AGBL1: variants seen among roughly 807,000 people sequenced by gnomAD.
AGBL1 encodes the protein AGBL carboxypeptidase 1.
A neutral mutation model predicts 118.9 loss-of-function variants in AGBL1; 130 were observed. The observed-to-expected ratio is 1.09, with a 90% CI of 0.95 to 1.26. The LOEUF is 1.26. Among genes scored for constraint, AGBL1 ranks in the 50% most tolerant of loss-of-function variants. AGBL1 has a pLI of 0.00. For synonymous variants in AGBL1, 555 were observed against 478.9 expected, an observed-to-expected ratio of 1.16 and a Z score of -2.08; for missense variants, 1,584 against 1,298.1, an observed-to-expected ratio of 1.22 and a Z score of -3.38.
intron 1 of AGBL1, among the ~76,000 whole-genome samples, chr15:86,135,191 C>T (rs2076873074): frequency 6.6e-6 from 1 of 152,146 alleles, no homozygotes; most frequent in Non-Finnish European, 1.5e-5. Flanking sequence ...TTGAAAAGGC[C>T]TGGCACTTCC....
intron 5 of AGBL1, among the ~76,000 whole-genome samples, chr15:86,162,749 T>C (rs536507281): frequency 6.6e-6 from 1 of 152,284 alleles, no homozygotes; most frequent in African/African-American, 2.4e-5. Flanking sequence ...CAGCTTCCCT[T>C]TCCAGAGTGG....
chr15:86,666,125 G>C (rs1276199915), intron 21 of AGBL1, among the ~76,000 whole-genome samples: 2 of 152,058 alleles, frequency 1.3e-5, no homozygotes, highest in Non-Finnish European at 2.9e-5. Context: ...GATTTCCTAT[G>C]CTTTGATAGA....
chr15:86,638,646 T>C (rs1567096945), intron 21 of AGBL1, among the ~76,000 whole-genome samples: 1 of 152,146 alleles, frequency 6.6e-6, no homozygotes, highest in African/African-American at 2.4e-5. Flanking sequence ...ATAGAGAGCT[T>C]GCCTTAAGAG....
In AGBL1 at chr15:86,528,388, C is replaced by T. The variant is rs202169746; in HGVS notation, c.2685+5449C>T. Among the ~76,000 whole-genome samples, 37 of 152,322 alleles carry T rather than the reference C, an allele frequency of 2.4e-4. 1 individual carries two copies. The East Asian group carries it at 5.6e-3, about 23-fold the overall frequency. On this transcript the variant is annotated intron_variant, in intron 19 of 22. Coordinates refer to ENST00000614907, the MANE Select transcript of AGBL1 (RefSeq NM_001386094.1). ...TCAGGTCACTCCCACCCGAATATTG[C>T]GCTTTTCAGACCTGCTTAAAAAACG...
At chr15:86,704,543 C>G (rs547059207) in intron 22 of AGBL1, among the ~76,000 whole-genome samples, 1 of 152,286 alleles carries the variant, frequency 6.6e-6, no homozygotes, top group African/African-American at 2.4e-5. Flanking sequence ...AGTTCATCAT[C>G]ACTGGTCATT....
At position 86,383,275 on chromosome 15, in the gene AGBL1, A is replaced by AAAAAAAAAAAAAAT; in HGVS notation, c.2375-14091_2375-14090insAAAAAAAAAAAAAT. Among the ~76,000 whole-genome samples the AAAAAAAAAAAAAAT allele has an allele frequency of 1.7e-5, 2 of 118,892 alleles. 1 individual carries two copies. The highest frequency in any genetic ancestry group is 3.4e-5 in the Non-Finnish European group (2 of 58,466). 78.0% of individuals were successfully genotyped at this position (118,892 alleles called of 152,430 possible). ...AAAAAAAAAAAAAAAAAAAAAAAAA[A>AAAAAAAAAAAAAAT]TCCTAATTGCTTATCTTAAGTATTT... On this transcript the variant is annotated intron_variant, in intron 17 of 22. Coordinates refer to ENST00000614907, the MANE Select transcript of AGBL1 (RefSeq NM_001386094.1).
intron 22 of AGBL1, among the ~76,000 whole-genome samples, chr15:86,766,816 A>AT: frequency 6.6e-6 from 1 of 150,960 alleles, no homozygotes; most frequent in African/African-American, 2.4e-5. Flanking sequence ...ACAAGAAATA[A>AT]TTTTTTTGAA....
intron 16 of AGBL1, among the ~76,000 whole-genome samples, chr15:86,280,462 C>G (rs2079333267): frequency 1.3e-5 from 2 of 152,188 alleles, no homozygotes; most frequent in South Asian, 4.1e-4. Flanking sequence ...AGAAAATGGA[C>G]TGCTTAAACC....
intron 22 of AGBL1, among the ~76,000 whole-genome samples, chr15:86,682,298 TG>T (rs1278941153): frequency 4.6e-5 from 7 of 152,156 alleles, no homozygotes; most frequent in African/African-American, 1.7e-4. Context: ...CCAGAAGAAG[TG>T]CTAATTTTAG....
At chr15:86,717,324 A>T (rs1005958704) in intron 22 of AGBL1, among the ~76,000 whole-genome samples, 4 of 152,184 alleles carry the variant, frequency 2.6e-5, no homozygotes, top group African/African-American at 9.6e-5. Flanking sequence ...ATGGGCTAAT[A>T]TGGTCAGTGT....
chr15:86,779,912 AC>A lies in AGBL1; in HGVS notation c.3158+105483del, dbSNP rs1371945077. 1.6e-4 allele frequency among the ~76,000 whole-genome samples: 18 copies of A among 110,160 alleles called. No homozygotes were observed. In the South Asian group the frequency reaches 5.6e-3, roughly 34 times the overall value. The allele number at this position is 110,160 out of a possible 152,430, so 72.3% of individuals were successfully genotyped here. The stretch of plus-strand genomic sequence containing the variant: ...TGAGTTGGAAAAGTATGTGTTGGAC[AC>A]CCCCCCAACACACACACACACACAC... On this transcript the variant is annotated intron_variant, in intron 22 of 22. Coordinates refer to ENST00000614907, the MANE Select transcript of AGBL1 (RefSeq NM_001386094.1).
chr15:86,359,082 C>A (rs2080763626), intron 17 of AGBL1, among the ~76,000 whole-genome samples: 1 of 151,728 alleles, frequency 6.6e-6, no homozygotes, highest in Admixed American at 6.6e-5. Flanking sequence ...GAGTCATATC[C>A]AAAAGTCATC....
intron 21 of AGBL1, among the ~76,000 whole-genome samples, chr15:86,587,223 T>A (rs1273332508): frequency 6.6e-6 from 1 of 152,164 alleles, no homozygotes; most frequent in Non-Finnish European, 1.5e-5. Context: ...ACGGACAGGA[T>A]GAATACTTTA....
At chr15:86,131,268 T>A (rs2141609622) in intron 1 of AGBL1, among the ~76,000 whole-genome samples, 1 of 152,256 alleles carries the variant, frequency 6.6e-6, no homozygotes, top group African/African-American at 2.4e-5. Flanking sequence ...TATTTGGTAA[T>A]AAGAGAGTTA....
intron 22 of AGBL1, among the ~76,000 whole-genome samples, chr15:86,878,144 G>C (rs978880157): frequency 7.9e-5 from 12 of 152,192 alleles, no homozygotes; most frequent in African/African-American, 2.9e-4. Flanking sequence ...TGTGTCATGA[G>C]ACTCTGGAGA....
chr15:86,919,487 CAG>C (rs1360139902), downstream of AGBL1, among the ~76,000 whole-genome samples: 1 of 151,740 alleles, frequency 6.6e-6, no homozygotes, highest in Non-Finnish European at 1.5e-5. Flanking sequence ...TAAGGAAAAA[CAG>C]AGCCCAGCAA....
At chr15:86,825,883 GGATGGATAGATAGATAGATAGATA>G (rs1043933126) in intron 22 of AGBL1, among the ~76,000 whole-genome samples, 1 of 114,694 alleles carries the variant, frequency 8.7e-6, no homozygotes, top group Admixed American at 9.3e-5. Flanking sequence ...GATGATAGAT[GGATGGATAGATAGATAGATAGATA>G]GATAGATAGA....
intron 22 of AGBL1, among the ~76,000 whole-genome samples, chr15:86,682,622 G>T (rs543262286): frequency 1.3e-5 from 2 of 151,862 alleles, no homozygotes; most frequent in African/African-American, 4.8e-5. Flanking sequence ...TAACAGAAAA[G>T]AATATTTATT....
At chr15:86,805,264 C>T (rs2078700661) in intron 22 of AGBL1, among the ~76,000 whole-genome samples, 3 of 151,828 alleles carry the variant, frequency 2.0e-5, no homozygotes, top group South Asian at 2.1e-4. Flanking sequence ...CCCTAGAGGC[C>T]GAAGTTTTTT....
Sources: gnomAD v4.1 joint callset for allele counts (sites outside exome capture counted in the v4.1 genomes callset) on GRCh38, gnomAD v4.1.1 for gene constraint, MANE v1.5 for transcripts, NCBI Gene and HGNC (gene_info 2026-07-23, HGNC 2026-07-21) for gene names.